Variants in IGLL1 observed in about 807,000 individuals in gnomAD.
IGLL1 encodes immunoglobulin lambda-like polypeptide 1.
In IGLL1, 10 loss-of-function variants were observed where a neutral mutation model predicts 10.5. The ratio of observed to expected loss-of-function variants is 0.95; its 90% CI spans 0.59 to 1.62. IGLL1 has a LOEUF of 1.62. IGLL1 is among the 40% of genes most tolerant of loss of function. The pLI is 0.00. For missense variants in IGLL1, 284 were observed against 278.7 expected (o/e 1.02, Z -0.14); for synonymous variants, 141 against 122.7 (o/e 1.15, Z -0.99).
rs142384414 is a variant in IGLL1, at chr22:23,573,549, G to A, written c.359C>T (p.Pro120Leu). The A allele has an allele frequency of 7.5e-4, 1,206 of 1,609,576 alleles. 11 individuals carry two copies. Among genetic ancestry groups the A allele is most frequent in the South Asian group, 5.1e-3 (464 of 90,794 alleles). ...GGCTTGGAGCTCCTCAGAGGACGGC[G>A]GGAACAGAGTGACCGAGGGGGTGGC... is the stretch of plus-strand genomic sequence containing the variant. ...PKATPSVTLF[P>L]PSSEELQANK... The change falls in exon 3 of 3, where the codon CCG becomes CTG. Residue 120 changes from proline (P) to leucine (L), a missense_variant. Pro to Leu is a moderately conservative substitution (Grantham distance 98). Transcript: ENST00000330377.
intron 1 of IGLL1, among the ~76,000 whole-genome samples, chr22:23,576,526 G>T (rs2123700378): frequency 6.6e-6 from 1 of 152,138 alleles, no homozygotes; most frequent in African/African-American, 2.4e-5. Flanking sequence ...CACATCCTGG[G>T]TTCAAGCGAT....
At chr22:23,576,743 C>T (rs1925085429) in intron 1 of IGLL1, among the ~76,000 whole-genome samples, 1 of 152,138 alleles carries the variant, frequency 6.6e-6, no homozygotes, top group South Asian at 2.1e-4. Flanking sequence ...CATTTTTATA[C>T]ATAGCATCAA....
Position 23,573,447 on chromosome 22 carries a change from G to C in IGLL1, c.461C>G (p.Thr154Ser). 3 of 1,613,918 alleles carry C rather than the reference G, an allele frequency of 1.9e-6. No individual in the cohort carries two copies. The highest frequency in any genetic ancestry group is 2.5e-6 in the Non-Finnish European group (3 of 1,179,852). Residue 154 changes from threonine (T) to serine (S), a missense_variant, in exon 3 of 3, where the codon ACC (threonine) becomes AGC (serine). Coordinates refer to ENST00000330377, the MANE Select transcript of IGLL1 (RefSeq NM_020070.4). ...ILTVTWKADG[T>S]PITQGVEMTT... ...CATCTCCACGCCCTGGGTGATGGGG[G>C]TACCATCTGCCTTCCAGGTCACCGT...
intron 1 of IGLL1, among the ~76,000 whole-genome samples, chr22:23,575,654 CATCT>C (rs1925022000): frequency 6.6e-6 from 1 of 152,172 alleles, no homozygotes; most frequent in South Asian, 2.1e-4. Context: ...TTCGTCCATC[CATCT>C]ACCTGTCCGT....
chr22:23,574,085 G>A (rs943473251), intron 2 of IGLL1, among the ~76,000 whole-genome samples: 5 of 150,692 alleles, frequency 3.3e-5, no homozygotes, highest in African/African-American at 1.2e-4. Context: ...CTCTGCCGTC[G>A]CCCCTGTCCC....
chr22:23,573,888 CTGGAGTCTGAGTT>C (rs1294902923), intron 2 of IGLL1, among the ~76,000 whole-genome samples: 1 of 151,846 alleles, frequency 6.6e-6, no homozygotes, highest in Non-Finnish European at 1.5e-5. Context: ...TTCCTGGTTT[CTGGAGTCTGAGTT>C]TGGAATCTAG....
At chr22:23,576,570 A>C (rs1925077758) in intron 1 of IGLL1, among the ~76,000 whole-genome samples, 1 of 152,028 alleles carries the variant, frequency 6.6e-6, no homozygotes, top group Admixed American at 6.6e-5. Flanking sequence ...AGCTGGGATT[A>C]CAGGCATGTG....
At position 23,573,401 on chromosome 22, in the gene IGLL1, G is replaced by A. The variant is rs74519217; in HGVS notation, c.507C>T (p.Ser169=). 5,931 of 1,614,034 alleles carry A rather than the reference G, an allele frequency of 3.7e-3. 159 individuals carry two copies. In the African/African-American group the frequency reaches 0.07, roughly 19 times the overall value. Residue 169 remains serine (S), a synonymous_variant, in exon 3 of 3, where the codon AGC becomes AGT. Coordinates refer to ENST00000330377, the MANE Select transcript of IGLL1 (RefSeq NM_020070.4). ...GVEMTTPSKQ[S]NNKYAASSYL... is the part of the protein sequence containing the mutation. Reference sequence around the variant, plus strand: ...AGCTGCTGGCCGCGTACTTGTTGTTGCTCTGTTTGGAGGGCGTGGTCATCT... The same window carrying A: ...AGCTGCTGGCCGCGTACTTGTTGTTACTCTGTTTGGAGGGCGTGGTCATCT...
chr22:23,577,406 C>T (rs1333358926), intron 1 of IGLL1, among the ~76,000 whole-genome samples: 2 of 151,704 alleles, frequency 1.3e-5, no homozygotes, highest in Non-Finnish European at 2.9e-5. Flanking sequence ...AAATTTACAA[C>T]TAAATATAAA....
In IGLL1 at chr22:23,580,191, C is replaced by A; in HGVS notation, c.-1G>T. 6.5e-7 allele frequency: 1 copy of A among 1,538,912 alleles called. No homozygotes were observed. Among genetic ancestry groups the A allele is most frequent in the African/African-American group, 1.4e-5 (1 of 73,298 alleles). On this transcript the variant is annotated 5_prime_UTR_variant, in exon 1 of 3. Coordinates refer to ENST00000330377, the MANE Select transcript of IGLL1 (RefSeq NM_020070.4). Reference sequence around the variant, plus strand: ...CCCCCTGGCCTGTCCCTGGCCTCATCGGCCCTCAGGGTCAGAGGTCCTTGT... The same window carrying A: ...CCCCCTGGCCTGTCCCTGGCCTCATAGGCCCTCAGGGTCAGAGGTCCTTGT...
At chr22:23,575,146 G>C in intron 1 of IGLL1, 64 bp from the exon 2 acceptor site, 1 of 1,148,474 alleles carries the variant, frequency 8.7e-7, no homozygotes, top group Non-Finnish European at 1.3e-6. Context: ...AGGGTAGGGG[G>C]GTGGCCAGTG....
At chr22:23,576,461 A>C in intron 1 of IGLL1, among the ~76,000 whole-genome samples, 1 of 149,222 alleles carries the variant, frequency 6.7e-6, no homozygotes, top group African/African-American at 2.5e-5. Context: ...ATGGAATTTC[A>C]CCCTTGTCGC....
chr22:23,578,671 C>G (rs116539241), intron 1 of IGLL1, among the ~76,000 whole-genome samples: 2,370 of 152,260 alleles, frequency 0.016, 60 homozygotes, highest in African/African-American at 0.052. Context: ...AGGGGAAACT[C>G]AGGCCCGGTG....
chr22:23,580,196 C>T lies in IGLL1; in HGVS notation c.-6G>A, dbSNP rs1569072780. ...TGGCCTGTCCCTGGCCTCATCGGCC[C>T]TCAGGGTCAGAGGTCCTTGTGGCCT... On this transcript the variant is annotated 5_prime_UTR_variant, in exon 1 of 3. Transcript: ENST00000330377. 1 of 1,538,066 alleles carries T rather than the reference C, an allele frequency of 6.5e-7. No individual in the cohort carries two copies. Among genetic ancestry groups the T allele is most frequent in the East Asian group, 2.4e-5 (1 of 41,054 alleles).
Position 23,576,365 on chromosome 22 carries a change from A to C in IGLL1, c.207-1283T>G, listed in dbSNP as rs1925068803. On this transcript the variant is annotated intron_variant, in intron 1 of 2. Coordinates refer to ENST00000330377, the MANE Select transcript of IGLL1 (RefSeq NM_020070.4). ...GCAACAGAGCAAGACTGTCCCAAAA[A>C]AAAAAAAAAAAAAAAAGAAGTGTCA... 1.6e-4 allele frequency among the ~76,000 whole-genome samples: 24 copies of C among 150,016 alleles called. 1 individual carries two copies. In the South Asian group the frequency reaches 5.1e-3, roughly 32 times the overall value.
intron 2 of IGLL1, among the ~76,000 whole-genome samples, chr22:23,573,837 C>T (rs1016822167): frequency 5.3e-5 from 8 of 152,192 alleles, no homozygotes; most frequent in East Asian, 1.9e-4. Flanking sequence ...TCTGCAGCCT[C>T]GGTTTCCCCG....
At chr22:23,579,156 A>G (rs1206650184) in intron 1 of IGLL1, among the ~76,000 whole-genome samples, 2 of 151,852 alleles carry the variant, frequency 1.3e-5, no homozygotes, top group African/African-American at 4.8e-5. Flanking sequence ...CCGTCTGCAC[A>G]AAGGGGATCA....
Position 23,573,542 on chromosome 22 carries a change from G to A in IGLL1, c.366C>T (p.Ser122=). 1 of 1,613,938 alleles carries A rather than the reference G, an allele frequency of 6.2e-7. No homozygotes were observed. The highest frequency in any genetic ancestry group is 8.5e-7 in the Non-Finnish European group (1 of 1,179,846). The change falls in exon 3 of 3, where the codon TCC becomes TCT. Residue 122 remains serine (S), a synonymous_variant. Coordinates refer to ENST00000330377, the MANE Select transcript of IGLL1 (RefSeq NM_020070.4). ...CCTTGTTGGCTTGGAGCTCCTCAGA[G>A]GACGGCGGGAACAGAGTGACCGAGG... The part of the protein sequence containing the change: ...ATPSVTLFPP[S]SEELQANKAT...
chr22:23,575,563 C>T (rs568063747), intron 1 of IGLL1, among the ~76,000 whole-genome samples: 50 of 152,180 alleles, frequency 3.3e-4, no homozygotes, highest in Admixed American at 1.8e-3. Context: ...TCCATCCGTC[C>T]GTCCATCCAT....
Sources: allele counts gnomAD v4.1 joint callset (sites outside exome capture counted in the v4.1 genomes callset), GRCh38; gene constraint gnomAD v4.1.1; transcripts MANE v1.5; gene names NCBI Gene and HGNC (gene_info 2026-07-23, HGNC 2026-07-21).